The following KIF21B variants were observed in gnomAD, a reference collection of about 807,000 sequenced individuals.
KIF21B encodes kinesin-like protein KIF21B.
A neutral mutation model predicts 192.9 loss-of-function variants in KIF21B; 85 were observed. The observed-to-expected ratio is 0.44, with a 90% CI of 0.37 to 0.53. The LOEUF (loss-of-function observed/expected upper bound fraction) is 0.53. Among genes scored for constraint, KIF21B ranks in the 20% least tolerant of loss-of-function variants. KIF21B has a pLI of 0.00. For missense variants in KIF21B, 1,716 were observed against 2,194.8 expected (o/e 0.78, Z 4.36); for synonymous variants, 832 against 884.6 (o/e 0.94, Z 1.05).
chr1:200,994,800 T>G (rs556366689), intron 15 of KIF21B, among the ~76,000 whole-genome samples: 1 of 152,296 alleles, frequency 6.6e-6, no homozygotes, highest in African/African-American at 2.4e-5. Flanking sequence ...TGCAGGCCCC[T>G]GTTGGGAGTG....
In KIF21B at chr1:200,975,478, T is replaced by C; in HGVS notation, c.4614+21A>G. 6.3e-7 allele frequency: 1 copy of C among 1,599,130 alleles called. No individual in the cohort carries two copies. Among genetic ancestry groups the C allele is most frequent in the Non-Finnish European group, 8.6e-7 (1 of 1,168,992 alleles). On this transcript the variant is annotated intron_variant, in intron 33 of 34. Transcript: ENST00000461742. The surrounding 1 kb of genome is among the most constrained non-coding windows in gnomAD (Gnocchi z 4.3). ...AACCACCCTACCCGAGTCTACCCTCTCCCTTTCCTCCTGACCCCACCTGGA... is the reference window on the plus strand; with the variant it reads ...AACCACCCTACCCGAGTCTACCCTCCCCCTTTCCTCCTGACCCCACCTGGA...
Position 200,987,042 on chromosome 1 carries a change from C to A in KIF21B, c.3568G>T (p.Asp1190Tyr), listed in dbSNP as rs1656351043. Residue 1190 changes from aspartate to tyrosine, a missense_variant, in exon 25 of 35, where the codon GAC (aspartate) becomes TAC (tyrosine). Around this residue, in one of 3 missense-constraint regions of KIF21B, gnomAD observed 580 missense variants for 775.5 expected, o/e 0.75. Transcript: ENST00000461742. Reference sequence around the variant, plus strand: ...AGACTGACGGTGCGCGAGACCCTGTCCCGGTAATAGGGGTCTCGGACAGAG... The same window carrying A: ...AGACTGACGGTGCGCGAGACCCTGTACCGGTAATAGGGGTCTCGGACAGAG... ...GFSVRDPYYR[D>Y]RVSRTVSLPT... 3 of 1,614,048 alleles carry A rather than the reference C, an allele frequency of 1.9e-6. No individual in the cohort carries two copies. The highest frequency in any genetic ancestry group is 2.5e-6 in the Non-Finnish European group (3 of 1,180,020).
intron 27 of KIF21B, 101 bp from the exon 28 acceptor site, chr1:200,983,195 T>C (rs1656059906): frequency 2.0e-6 from 2 of 987,900 alleles, no homozygotes; most frequent in African/African-American, 1.6e-5. Flanking sequence ...GAGGGCAGGT[T>C]ATTCTCTTCC....
intron 27 of KIF21B, among the ~76,000 whole-genome samples, chr1:200,983,709 C>A (rs183465388): frequency 6.6e-6 from 1 of 152,174 alleles, no homozygotes; most frequent in Non-Finnish European, 1.5e-5. Context: ...ACAGCCCTGC[C>A]CCAATCCTTC....
chr1:201,004,594 A>G (rs1184841980), intron 6 of KIF21B, 139 bp from the exon 7 acceptor site: 6 of 1,121,090 alleles, frequency 5.4e-6, no homozygotes, highest in Non-Finnish European at 7.8e-6. Flanking sequence ...TTATAGGCAC[A>G]TGGATAAGTT....
chr1:200,979,782 C>T lies in KIF21B; in HGVS notation c.3980-67G>A, dbSNP rs577003097. On this transcript the variant is annotated intron_variant, in intron 29 of 34. Coordinates refer to ENST00000461742, the MANE Select transcript of KIF21B (RefSeq NM_001252102.2). ...CAGCCACTAGGGGGCGCAGCTCCAC[C>T]TCTGCAGGGGCTGCCCAGGATAGGG... 6 of 1,372,318 alleles carry T rather than the reference C, an allele frequency of 4.4e-6. No individual in the cohort carries two copies. In the Admixed American group the frequency reaches 1.5e-4, roughly 35 times the overall value. The allele number at this position is 1,372,318 out of a possible 1,614,324, so 85.0% of individuals were successfully genotyped here. A position where few individuals can be genotyped will look rare whatever the true frequency, so the allele number is the denominator to read the frequency against.
At chr1:200,995,693 A>T (rs1406404627) in intron 15 of KIF21B, among the ~76,000 whole-genome samples, 1 of 152,248 alleles carries the variant, frequency 6.6e-6, no homozygotes, top group African/African-American at 2.4e-5. Context: ...CATACATAAA[A>T]GAATAATAAT....
At position 200,999,792 on chromosome 1, in the gene KIF21B, C is replaced by T; in HGVS notation, c.1767+91G>A. 1.3e-5 allele frequency: 17 copies of T among 1,277,936 alleles called. 1 individual carries two copies. In the South Asian group the frequency reaches 1.5e-4, roughly 12 times the overall value. The allele number at this position is 1,277,936 out of a possible 1,614,324, so 79.2% of individuals were successfully genotyped here. A position where few individuals can be genotyped will look rare whatever the true frequency, so the allele number is the denominator to read the frequency against. ...GATGCAGACCCAACCGCCTCCTTCA[C>T]TCCATACAAGGATGCGGATGGGGCC... On this transcript the variant is annotated intron_variant, in intron 12 of 34. Transcript: ENST00000461742. The surrounding 1 kb of genome is among the most constrained non-coding windows in gnomAD (Gnocchi z 4.7).
At chr1:200,978,436 C>T (rs939855516) in intron 30 of KIF21B, among the ~76,000 whole-genome samples, 6 of 151,564 alleles carry the variant, frequency 4.0e-5, no homozygotes, top group Admixed American at 2.6e-4. Flanking sequence ...ATAGAGATTT[C>T]TCACATGCCC....
rs1375541383 is a variant in KIF21B, at chr1:200,971,946, A to C, written c.*1575T>G. The C allele has an allele frequency of 1.3e-5, 2 of 152,216 alleles. No homozygotes were observed. The highest frequency in any genetic ancestry group is 1.5e-5 in the Non-Finnish European group (1 of 68,052). The allele number at this position is 152,216 out of a possible 1,614,324, so 9.4% of individuals were successfully genotyped here. A position where few individuals can be genotyped will look rare whatever the true frequency, so the allele number is the denominator to read the frequency against. On this transcript the variant is annotated 3_prime_UTR_variant, in exon 35 of 35. Coordinates refer to ENST00000461742, the MANE Select transcript of KIF21B (RefSeq NM_001252102.2). ...ACACAGAACCACCTCTGGAAAGTCCAAAAGTCACTGCGTCCTCTGAAGGGA... is the reference window on the plus strand; with the variant it reads ...ACACAGAACCACCTCTGGAAAGTCCCAAAGTCACTGCGTCCTCTGAAGGGA...
At chr1:201,013,526 T>A (rs1174892246) in intron 1 of KIF21B, among the ~76,000 whole-genome samples, 1 of 152,142 alleles carries the variant, frequency 6.6e-6, no homozygotes, top group African/African-American at 2.4e-5. Flanking sequence ...GTCTTCCTTT[T>A]TAAAACGTTT....
chr1:201,005,020 C>T lies in KIF21B; in HGVS notation c.733-87G>A, dbSNP rs1036184816. ...ACAGTACTGCCATCCGGGAGAGGCA[C>T]GGTGGACGGCCAAGCGCCTTGCCCT... On this transcript the variant is annotated intron_variant, in intron 5 of 34. Coordinates refer to ENST00000461742, the MANE Select transcript of KIF21B (RefSeq NM_001252102.2). The T allele has an allele frequency of 1.0e-5, 15 of 1,437,072 alleles. 1 individual carries two copies. The highest frequency in any genetic ancestry group is 9.0e-5 in the South Asian group (7 of 77,872). The allele number at this position is 1,437,072 out of a possible 1,614,324, so 89.0% of individuals were successfully genotyped here.
intron 7 of KIF21B, 30 bp downstream of exon 7, chr1:201,004,310 T>C (rs1240571722): frequency 6.6e-7 from 1 of 1,522,084 alleles, no homozygotes; most frequent in East Asian, 2.4e-5. Context: ...GCCTCCCCTG[T>C]CCCTTCCCTG....
intron 21 of KIF21B, among the ~76,000 whole-genome samples, chr1:200,989,431 G>A (rs1656527283): frequency 6.6e-6 from 1 of 152,170 alleles, no homozygotes; most frequent in African/African-American, 2.4e-5. Context: ...TCTGTCCCCA[G>A]AGACCACAGG....
At position 200,998,626 on chromosome 1, in the gene KIF21B, G is replaced by A. The variant is rs1657238487; in HGVS notation, c.1886-51C>T. The A allele has an allele frequency of 6.4e-7, 1 of 1,560,116 alleles. No individual in the cohort carries two copies. The highest frequency in any genetic ancestry group is 8.8e-7 in the Non-Finnish European group (1 of 1,139,868). The stretch of plus-strand genomic sequence containing the variant: ...CCAGCGTTAGGGCGAGGGGCAAATT[G>A]GGGAGCAGATGTGCCAGTGCTGGGG... On this transcript the variant is annotated intron_variant, in intron 13 of 34. Transcript: ENST00000461742. The surrounding 1 kb of genome is among the most constrained non-coding windows in gnomAD (Gnocchi z 4.3).
chr1:200,988,381 A>C, intron 23 of KIF21B, 28 bp from the exon 24 acceptor site: 1 of 1,613,856 alleles, frequency 6.2e-7, no homozygotes, highest in Non-Finnish European at 8.5e-7. Context: ...AGAGTTCAGG[A>C]TCCTGAGGAG....
In KIF21B at chr1:200,974,752, G is replaced by A. The variant is rs763347206; in HGVS notation, c.4776C>T (p.Ala1592=). 1.2e-6 allele frequency: 2 copies of A among 1,614,236 alleles called. No individual in the cohort carries two copies. The highest frequency in any genetic ancestry group is 2.2e-5 in the South Asian group (2 of 91,092). ...EIKGHDSPIN[A]ICTNAKHIFT... is the part of the protein sequence containing the mutation. ...AGATATGCTTGGCATTGGTGCAGATGGCATTGATGGGACTGTCGTGGCCCT... is the reference window on the plus strand; with the variant it reads ...AGATATGCTTGGCATTGGTGCAGATAGCATTGATGGGACTGTCGTGGCCCT... Residue 1592 remains alanine, a synonymous_variant, in exon 34 of 35, where the codon GCC becomes GCT. Coordinates refer to ENST00000461742, the MANE Select transcript of KIF21B (RefSeq NM_001252102.2).
At chr1:201,005,830 T>C (rs1487043310) in intron 3 of KIF21B, 136 bp from the exon 4 acceptor site, 1 of 897,694 alleles carries the variant, frequency 1.1e-6, no homozygotes, top group South Asian at 1.6e-5. Flanking sequence ...TTGAATCCCA[T>C]GACCTTTCTG....
intron 30 of KIF21B, among the ~76,000 whole-genome samples, chr1:200,977,675 C>T (rs1308324270): frequency 6.7e-6 from 1 of 148,660 alleles, no homozygotes; most frequent in Admixed American, 6.6e-5. Flanking sequence ...GGAAATCAAC[C>T]TCTCTGAGTC....
Sources: gnomAD v4.1 joint callset for allele counts (sites outside exome capture counted in the v4.1 genomes callset) on GRCh38, gnomAD v4.1.1 for gene constraint, gnomAD v4.1.1 regional missense constraint, Gnocchi (gnomAD v3.1) non-coding constraint, MANE v1.5 for transcripts, NCBI Gene and HGNC (gene_info 2026-07-23, HGNC 2026-07-21) for gene names.